PCDHA3: variants seen among roughly 807,000 people sequenced by gnomAD.
The protein encoded by PCDHA3 is protocadherin alpha-3.
Under a neutral mutation model 62.2 loss-of-function variants are expected in PCDHA3, and 41 were observed. That is an observed-to-expected ratio of 0.66 (90% CI 0.51 to 0.86). The LOEUF (loss-of-function observed/expected upper bound fraction) is 0.86. Ranked by LOEUF, PCDHA3 falls within the 40% of genes least tolerant of loss-of-function variation. The pLI, the probability that PCDHA3 is intolerant of heterozygous loss-of-function variation, is 0.00. For synonymous variants in PCDHA3, 640 were observed against 555.4 expected (o/e 1.15, Z -2.14); for missense variants, 1,304 against 1,241.2 (o/e 1.05, Z -0.76).
chr5:140,805,477 G>C, intron 1 of PCDHA3: 1 of 999,064 alleles, frequency 1.0e-6, no homozygotes, highest in Non-Finnish European at 1.2e-6. Context: ...CTTCAATAGA[G>C]AGGGAGCGTA....
chr5:140,937,288 C>T (rs1473599964), intron 1 of PCDHA3, among the ~76,000 whole-genome samples: 1 of 152,072 alleles, frequency 6.6e-6, no homozygotes, highest in African/African-American at 2.4e-5. Context: ...TCACCCGCTT[C>T]GGCCTCCCAA....
chr5:140,917,333 G>A (rs1301739777), intron 1 of PCDHA3, among the ~76,000 whole-genome samples: 2 of 148,632 alleles, frequency 1.3e-5, no homozygotes, highest in African/African-American at 4.9e-5. Flanking sequence ...GCGGGGGAGG[G>A]GGGGGATGGT....
At chr5:140,851,120 T>C (rs1052387301) in intron 1 of PCDHA3, 3 of 1,307,570 alleles carry the variant, frequency 2.3e-6, no homozygotes, top group Non-Finnish European at 2.0e-6. Flanking sequence ...ATCAATTTTA[T>C]TTAAATTTGT....
chr5:140,964,918 G>A (rs563180752), intron 1 of PCDHA3, among the ~76,000 whole-genome samples: 59 of 152,308 alleles, frequency 3.9e-4, no homozygotes, highest in Admixed American at 3.4e-3. Context: ...GAATAACACT[G>A]GCTAGGTAGT....
chr5:140,897,178 CA>C (rs1414076017), intron 1 of PCDHA3, among the ~76,000 whole-genome samples: 4 of 151,978 alleles, frequency 2.6e-5, no homozygotes, highest in South Asian at 2.1e-4. Context: ...TCCATGGGTT[CA>C]AAAAATATAT....
intron 1 of PCDHA3, chr5:140,829,475 G>A: frequency 4.3e-6 from 7 of 1,613,854 alleles, no homozygotes; most frequent in Non-Finnish European, 5.9e-6. Context: ...CGAGTACACA[G>A]TGTTCGTGAA....
At chr5:140,875,828 T>G (rs1259125673) in intron 1 of PCDHA3, 10 of 1,614,196 alleles carry the variant, frequency 6.2e-6, no homozygotes, top group Middle Eastern at 1.6e-4. Context: ...GTTTTCCATG[T>G]GGACGTGGAG....
intron 1 of PCDHA3, chr5:140,843,306 C>A: frequency 6.3e-7 from 1 of 1,596,008 alleles, no homozygotes; most frequent in Non-Finnish European, 8.6e-7. Flanking sequence ...CTGACCGCCA[C>A]GGCCACGGTT....
chr5:140,808,990 G>T (rs2879087), intron 1 of PCDHA3: 49 of 1,613,634 alleles, frequency 3.0e-5, no homozygotes, highest in Non-Finnish European at 4.0e-5. Flanking sequence ...ATGCTGACTC[G>T]GGCTACAACG....
At chr5:140,895,802 C>CTGTAT (rs1289601886) in intron 1 of PCDHA3, among the ~76,000 whole-genome samples, 86 of 152,166 alleles carry the variant, frequency 5.7e-4, no homozygotes, top group African/African-American at 1.6e-3. Context: ...ATGTACAATA[C>CTGTAT]TGTATTGTAT....
At chr5:141,009,179 G>C (rs1343163889) in intron 3 of PCDHA3, among the ~76,000 whole-genome samples, 2 of 152,212 alleles carry the variant, frequency 1.3e-5, no homozygotes, top group Non-Finnish European at 2.9e-5. Flanking sequence ...CCTTGGCTGG[G>C]TGTGGTAGCT....
At chr5:140,924,812 T>G (rs947021976) in intron 1 of PCDHA3, among the ~76,000 whole-genome samples, 2 of 151,424 alleles carry the variant, frequency 1.3e-5, no homozygotes, top group African/African-American at 4.9e-5. Flanking sequence ...AGAGAATCGC[T>G]TGAACCTGGG....
At chr5:140,950,127 GAC>G (rs1554219301) in intron 1 of PCDHA3, among the ~76,000 whole-genome samples, 2 of 151,794 alleles carry the variant, frequency 1.3e-5, no homozygotes, top group Non-Finnish European at 2.9e-5. Context: ...AAACCCACAA[GAC>G]ACAGTTATAA....
chr5:140,977,839 C>G (rs1400370638), intron 1 of PCDHA3, among the ~76,000 whole-genome samples: 1 of 152,176 alleles, frequency 6.6e-6, no homozygotes, highest in South Asian at 2.1e-4. Context: ...ATTGATATTA[C>G]TATGGCTTTG....
At chr5:140,862,559 A>C in intron 1 of PCDHA3, 1 of 470,052 alleles carries the variant, frequency 2.1e-6, no homozygotes, top group Non-Finnish European at 4.3e-6. Context: ...CGAACAGTGA[A>C]CCACAATGCC....
chr5:140,875,724 G>T, intron 1 of PCDHA3: 1 of 1,614,244 alleles, frequency 6.2e-7, no homozygotes, highest in Non-Finnish European at 8.5e-7. Flanking sequence ...ATGGCATTTT[G>T]TTTGTGAATT....
chr5:140,986,397 C>G (rs943993265), intron 3 of PCDHA3, among the ~76,000 whole-genome samples: 1 of 152,162 alleles, frequency 6.6e-6, no homozygotes. Context: ...AAGGGCCAGT[C>G]GCTCATGTTA....
intron 1 of PCDHA3, among the ~76,000 whole-genome samples, chr5:140,890,310 G>C (rs1554184247): frequency 6.6e-6 from 1 of 152,160 alleles, no homozygotes; most frequent in African/African-American, 2.4e-5. Context: ...GTAATATTAA[G>C]TTGTTTTAAG....
intron 3 of PCDHA3, among the ~76,000 whole-genome samples, chr5:141,004,893 C>A (rs1339074840): frequency 1.3e-5 from 2 of 152,154 alleles, no homozygotes; most frequent in African/African-American, 4.8e-5. Flanking sequence ...ATTGTGTCAG[C>A]TCTGCCAGGG....
Sources: gnomAD v4.1 joint callset for allele counts (sites outside exome capture counted in the v4.1 genomes callset) on GRCh38, gnomAD v4.1.1 for gene constraint, MANE v1.5 for transcripts, NCBI Gene and HGNC (gene_info 2026-07-23, HGNC 2026-07-21) for gene names.